The following NRP1 variants were observed in gnomAD, a reference collection of about 807,000 sequenced individuals.
The protein encoded by NRP1 is neuropilin-1.
NRP1 carries 35 observed loss-of-function variants against 106.7 expected under a neutral mutation model. That is an observed-to-expected ratio of 0.33 (90% CI 0.25 to 0.43). NRP1 has a LOEUF of 0.43. Among genes scored for constraint, NRP1 ranks in the 20% least tolerant of loss-of-function variants. The pLI is 1.00. For synonymous variants in NRP1, 437 were observed against 417.9 expected, an observed-to-expected ratio of 1.05 and a Z score of -0.56; for missense variants, 1,024 against 1,170.4, an observed-to-expected ratio of 0.87 and a Z score of 1.83.
intron 10 of NRP1, among the ~76,000 whole-genome samples, chr10:33,203,500 T>C (rs912688885): frequency 6.7e-6 from 1 of 148,596 alleles, no homozygotes; most frequent in South Asian, 2.2e-4. Flanking sequence ...AGTGTTTTTT[T>C]AAAAAAAAAC....
At chr10:33,301,632 C>T (rs1426829365) in intron 2 of NRP1, among the ~76,000 whole-genome samples, 1 of 152,100 alleles carries the variant, frequency 6.6e-6, no homozygotes, top group Non-Finnish European at 1.5e-5. Context: ...GCGTGACTCT[C>T]AGCCACTCAT....
At chr10:33,194,090 G>A (rs1382123039) in intron 12 of NRP1, among the ~76,000 whole-genome samples, 5 of 152,174 alleles carry the variant, frequency 3.3e-5, no homozygotes, top group Non-Finnish European at 5.9e-5. Context: ...CATGAAATAG[G>A]ACTTCTTAAG....
chr10:33,203,701 T>C (rs912816656), intron 10 of NRP1, among the ~76,000 whole-genome samples: 3 of 147,876 alleles, frequency 2.0e-5, no homozygotes, highest in Non-Finnish European at 3.0e-5. Flanking sequence ...TTGAAAGGTA[T>C]CCAATATTAA....
intron 2 of NRP1, among the ~76,000 whole-genome samples, chr10:33,301,826 C>T (rs1384199719): frequency 2.6e-5 from 4 of 152,112 alleles, no homozygotes. Context: ...AGTTCACAAA[C>T]ATCTGTGTCA....
intron 12 of NRP1, chr10:33,194,666 C>T: frequency 2.1e-6 from 1 of 487,254 alleles, no homozygotes; most frequent in Non-Finnish European, 4.3e-6. Flanking sequence ...ATCTTCTTGT[C>T]TTGATCATGT....
At chr10:33,219,454 A>C (rs1195286434) in intron 8 of NRP1, among the ~76,000 whole-genome samples, 4 of 152,236 alleles carry the variant, frequency 2.6e-5, no homozygotes, top group African/African-American at 9.6e-5. Flanking sequence ...CTAGAGAGAA[A>C]ATATTTAAAA....
rs374461187 is a variant in NRP1, at chr10:33,270,628, A to T, written c.430+47T>A. 23 of 1,516,660 alleles carry T rather than the reference A, an allele frequency of 1.5e-5. 1 individual carries two copies. In the African/African-American group the frequency reaches 2.5e-4, roughly 17 times the overall value. 94.0% of individuals were successfully genotyped at this position (1,516,660 alleles called of 1,614,324 possible). On this transcript the variant is annotated intron_variant, in intron 3 of 16. Transcript: ENST00000374867. ...AGGGGTGAGCCACCACACTCGGCCTAAATGAACTCTTAGTCATTCTTGTTC... is the reference window on the plus strand; with the variant it reads ...AGGGGTGAGCCACCACACTCGGCCTTAATGAACTCTTAGTCATTCTTGTTC...
intron 11 of NRP1, chr10:33,202,023 G>A (rs530099327): frequency 2.0e-5 from 3 of 152,096 alleles, no homozygotes; most frequent in Admixed American, 1.3e-4. Flanking sequence ...TGGGCTCTCC[G>A]AGTCCCTTCT....
intron 4 of NRP1, among the ~76,000 whole-genome samples, chr10:33,260,594 AC>A (rs1842505897): frequency 1.3e-5 from 2 of 151,970 alleles, no homozygotes; most frequent in South Asian, 4.2e-4. Context: ...TCCAGCATGT[AC>A]CCGGGCAATG....
chr10:33,188,400 T>C (rs1836162205), intron 13 of NRP1, among the ~76,000 whole-genome samples: 2 of 152,032 alleles, frequency 1.3e-5, no homozygotes, highest in African/African-American at 4.8e-5. Flanking sequence ...AGACAGTAAG[T>C]TCCTCAAGCA....
At chr10:33,302,376 C>T (rs900466734) in intron 2 of NRP1, among the ~76,000 whole-genome samples, 6 of 152,204 alleles carry the variant, frequency 3.9e-5, no homozygotes, top group African/African-American at 1.4e-4. Flanking sequence ...GATGGCTGGC[C>T]CACAGCCTAC....
chr10:33,202,603 G>C lies in NRP1; in HGVS notation c.1864+288C>G, dbSNP rs1837425766. On this transcript the variant is annotated intron_variant, in intron 11 of 16. Transcript: ENST00000374867. ...CTGAAAATAATGAAAATAAGGATCG[G>C]TTTAGTACATTTAGCCATGGGGAAA... The C allele has an allele frequency of 2.7e-6, 4 of 1,495,746 alleles. No homozygotes were observed. The East Asian group carries it at 7.5e-5, about 28-fold the overall frequency. 92.7% of individuals were successfully genotyped at this position (1,495,746 alleles called of 1,614,324 possible).
At chr10:33,262,703 CAAAAAAAAAAAAA>C (rs3035285) in intron 4 of NRP1, among the ~76,000 whole-genome samples, 1 of 100,800 alleles carries the variant, frequency 9.9e-6, no homozygotes, top group African/African-American at 3.7e-5. Flanking sequence ...AACTCTGTCT[CAAAAAAAAAAAAA>C]AAAAAAGTCT....
At chr10:33,314,188 G>A (rs1033758967) in intron 2 of NRP1, among the ~76,000 whole-genome samples, 2 of 151,466 alleles carry the variant, frequency 1.3e-5, no homozygotes, top group South Asian at 2.1e-4. Context: ...TGGGGTTACC[G>A]TGATCCTTCC....
chr10:33,275,515 C>T (rs1452653632), intron 2 of NRP1, among the ~76,000 whole-genome samples: 1 of 152,010 alleles, frequency 6.6e-6, no homozygotes, highest in African/African-American at 2.4e-5. Context: ...CTGCAGTGAG[C>T]CGAGATGGCG....
chr10:33,217,989 T>C (rs1375670719), intron 8 of NRP1, among the ~76,000 whole-genome samples: 1 of 152,204 alleles, frequency 6.6e-6, no homozygotes, highest in Non-Finnish European at 1.5e-5. Context: ...TGAATGAGCA[T>C]AATTTAATCT....
chr10:33,287,791 T>C (rs1197055684), intron 2 of NRP1, among the ~76,000 whole-genome samples: 1 of 152,202 alleles, frequency 6.6e-6, no homozygotes, highest in Non-Finnish European at 1.5e-5. Flanking sequence ...CGGACCTTGC[T>C]GCCTGTGACT....
chr10:33,334,621 T>G lies in NRP1; in HGVS notation c.-239A>C. 5.0e-6 allele frequency: 1 copy of G among 198,856 alleles called. No individual in the cohort carries two copies. 12.3% of individuals were successfully genotyped at this position (198,856 alleles called of 1,614,324 possible). On this transcript the variant is annotated 5_prime_UTR_variant, in exon 1 of 17. Coordinates refer to ENST00000374867, the MANE Select transcript of NRP1 (RefSeq NM_003873.7). ...ATTTAGCTCCGGCTTCCTCTCCCTT[T>G]TCCCACACTTGTTCCTCTTCCAGGA...
intron 13 of NRP1, among the ~76,000 whole-genome samples, chr10:33,187,758 T>C (rs1836109249): frequency 6.6e-6 from 1 of 152,198 alleles, no homozygotes; most frequent in South Asian, 2.1e-4. Context: ...GAGGTTGTGT[T>C]TGTTGCCCAA....
Sources: gnomAD v4.1 joint callset for allele counts (sites outside exome capture counted in the v4.1 genomes callset) on GRCh38, gnomAD v4.1.1 for gene constraint, MANE v1.5 for transcripts, NCBI Gene and HGNC (gene_info 2026-07-23, HGNC 2026-07-21) for gene names.